EXOC6B: variants seen among roughly 807,000 people sequenced by gnomAD.
EXOC6B encodes exocyst complex component 6B, also known as SEC15 homolog B.
In EXOC6B, 54 loss-of-function variants were observed where a neutral mutation model predicts 113.5. That is an observed-to-expected ratio of 0.48 (90% confidence interval 0.38 to 0.60). EXOC6B has a LOEUF of 0.60. Ranked by LOEUF, EXOC6B falls within the 20% of genes least tolerant of loss-of-function variation. The pLI, the probability that EXOC6B is intolerant of heterozygous loss-of-function variation, is 0.00. For missense variants in EXOC6B, 797 were observed against 977.5 expected, an observed-to-expected ratio of 0.82 and a Z score of 2.46; for synonymous variants, 357 against 339.0, an observed-to-expected ratio of 1.05 and a Z score of -0.58.
chr2:72,776,571 C>T (rs1048809741), intron 1 of EXOC6B, among the ~76,000 whole-genome samples: 6 of 151,386 alleles, frequency 4.0e-5, no homozygotes, highest in Admixed American at 6.6e-5. Flanking sequence ...GAGCTGAGAT[C>T]GTGCCATGCC....
intron 20 of EXOC6B, among the ~76,000 whole-genome samples, chr2:72,261,668 T>A (rs1683724717): frequency 6.6e-6 from 1 of 152,150 alleles, no homozygotes; most frequent in African/African-American, 2.4e-5. Flanking sequence ...CAATCACAGG[T>A]CCTAGTTAGC....
At chr2:72,531,886 G>A (rs967743571) in intron 8 of EXOC6B, among the ~76,000 whole-genome samples, 9 of 152,192 alleles carry the variant, frequency 5.9e-5, no homozygotes, top group African/African-American at 1.7e-4. Flanking sequence ...CGGGAGGGCT[G>A]AGGCAGGAGA....
At chr2:72,543,690 A>G (rs527815653) in intron 8 of EXOC6B, among the ~76,000 whole-genome samples, 1 of 152,328 alleles carries the variant, frequency 6.6e-6, no homozygotes, top group South Asian at 2.1e-4. Context: ...ATAGTGCAGG[A>G]AAGTTATCAC....
chr2:72,257,432 G>A (rs189745035), intron 20 of EXOC6B, among the ~76,000 whole-genome samples: 5 of 152,206 alleles, frequency 3.3e-5, no homozygotes, highest in African/African-American at 1.2e-4. Flanking sequence ...TTGTTTTAGA[G>A]CCTAAATTTA....
intron 1 of EXOC6B, among the ~76,000 whole-genome samples, chr2:72,818,815 C>T (rs1211713074): frequency 1.3e-5 from 2 of 152,162 alleles, no homozygotes; most frequent in Admixed American, 6.5e-5. Flanking sequence ...CACTTACTGT[C>T]CCCTTTGTAT....
chr2:72,304,952 G>T lies in EXOC6B; in HGVS notation c.2196+29995C>A, dbSNP rs76933544. 6.6e-3 allele frequency among the ~76,000 whole-genome samples: 998 copies of T among 152,264 alleles called. 12 individuals carry two copies. The highest frequency in any genetic ancestry group is 0.022 in the African/African-American group (906 of 41,542). Reference sequence around the variant, plus strand: ...AGGAGTCCAGAAGCTGCTGGTACAAGTATTGGGAGCAGACATATCATACAT... The same window carrying T: ...AGGAGTCCAGAAGCTGCTGGTACAATTATTGGGAGCAGACATATCATACAT... On this transcript the variant is annotated intron_variant, in intron 20 of 21. Coordinates refer to ENST00000272427, the MANE Select transcript of EXOC6B (RefSeq NM_015189.3).
chr2:72,322,783 C>T (rs1687908549), intron 20 of EXOC6B, among the ~76,000 whole-genome samples: 1 of 152,070 alleles, frequency 6.6e-6, no homozygotes, highest in Non-Finnish European at 1.5e-5. Flanking sequence ...AACTGGCTAG[C>T]AATATGCAGA....
At chr2:72,318,405 T>G (rs1436902796) in intron 20 of EXOC6B, among the ~76,000 whole-genome samples, 4 of 152,150 alleles carry the variant, frequency 2.6e-5, no homozygotes, top group African/African-American at 9.7e-5. Context: ...TTAATTTTTT[T>G]TTTTTTGAGA....
intron 12 of EXOC6B, among the ~76,000 whole-genome samples, chr2:72,499,668 C>G (rs1384815046): frequency 1.3e-5 from 2 of 151,840 alleles, no homozygotes; most frequent in East Asian, 3.9e-4. Context: ...CCTGGGACTA[C>G]AGGAATGTGG....
chr2:72,209,243 A>AAAGAAAAG (rs1680028944), intron 20 of EXOC6B, among the ~76,000 whole-genome samples: 9 of 110,654 alleles, frequency 8.1e-5, no homozygotes, highest in African/African-American at 3.3e-4. Flanking sequence ...AAAAAAAAAA[A>AAAGAAAAG]AAAAGAAAAG....
intron 1 of EXOC6B, among the ~76,000 whole-genome samples, chr2:72,760,372 C>T (rs1682669827): frequency 6.6e-6 from 1 of 152,248 alleles, no homozygotes; most frequent in African/African-American, 2.4e-5. Flanking sequence ...GAAGACTTCA[C>T]TTTTGTCAAC....
chr2:72,731,310 T>G (rs1442723522), intron 3 of EXOC6B, 65 bp from the exon 4 acceptor site: 1 of 1,211,608 alleles, frequency 8.3e-7, no homozygotes, highest in Non-Finnish European at 1.2e-6. Context: ...TCAGTCACAT[T>G]TTTCCACACT....
At chr2:72,764,346 C>T (rs1200333783) in intron 1 of EXOC6B, among the ~76,000 whole-genome samples, 1 of 149,224 alleles carries the variant, frequency 6.7e-6, no homozygotes, top group Non-Finnish European at 1.5e-5. Flanking sequence ...GAAGCATTAC[C>T]TCTCCCTTAT....
intron 17 of EXOC6B, among the ~76,000 whole-genome samples, chr2:72,478,028 T>C (rs1177210486): frequency 6.6e-6 from 1 of 152,114 alleles, no homozygotes; most frequent in East Asian, 1.9e-4. Context: ...TAGTAGACAC[T>C]GTATTAAAAC....
chr2:72,596,710 A>T (rs940649527), intron 6 of EXOC6B, among the ~76,000 whole-genome samples: 1 of 152,034 alleles, frequency 6.6e-6, no homozygotes, highest in African/African-American at 2.4e-5. Context: ...TCCTACCTCC[A>T]ACCCCAAAAA....
chr2:72,656,754 T>C (rs1257168365), intron 6 of EXOC6B, among the ~76,000 whole-genome samples: 1 of 152,246 alleles, frequency 6.6e-6, no homozygotes, highest in East Asian at 1.9e-4. Flanking sequence ...AGTTGATATA[T>C]GTACTTTAAG....
chr2:72,247,566 C>T (rs542978174), intron 20 of EXOC6B, among the ~76,000 whole-genome samples: 1 of 152,186 alleles, frequency 6.6e-6, no homozygotes, highest in Non-Finnish European at 1.5e-5. Flanking sequence ...GTGTCCCTGG[C>T]CTTTCCAGGT....
In EXOC6B at chr2:72,646,210, C is replaced by T. The variant is rs555281502; in HGVS notation, c.670-70542G>A. Among the ~76,000 whole-genome samples, 655 of 152,122 alleles carry T rather than the reference C, an allele frequency of 4.3e-3. 6 individuals carry two copies. Among genetic ancestry groups the T allele is most frequent in the African/African-American group, 0.014 (581 of 41,490 alleles). ...AAATCTAGAAGAAATGGATAAATTC[C>T]TCGACACATACACACTCCCAAGACT... is the stretch of plus-strand genomic sequence containing the variant. On this transcript the variant is annotated intron_variant, in intron 6 of 21. Coordinates refer to ENST00000272427, the MANE Select transcript of EXOC6B (RefSeq NM_015189.3).
At chr2:72,722,325 TA>T (rs1216829929) in intron 5 of EXOC6B, among the ~76,000 whole-genome samples, 1 of 152,070 alleles carries the variant, frequency 6.6e-6, no homozygotes, top group Non-Finnish European at 1.5e-5. Context: ...GTTCCATCCT[TA>T]AAAAGAAAAA....
Sources: allele counts gnomAD v4.1 joint callset (sites outside exome capture counted in the v4.1 genomes callset), GRCh38; gene constraint gnomAD v4.1.1; transcripts MANE v1.5; gene names NCBI Gene and HGNC (gene_info 2026-07-23, HGNC 2026-07-21).